The following NR1I2 variants were observed in gnomAD, a reference collection of about 807,000 sequenced individuals.
NR1I2 encodes the protein orphan nuclear receptor PAR1.
In NR1I2, 42 loss-of-function variants were observed where a neutral mutation model predicts 43.3. The ratio of observed to expected loss-of-function variants is 0.97; its 90% CI spans 0.76 to 1.26. The LOEUF is 1.26. NR1I2 is among the 50% of genes most tolerant of loss of function. The pLI is 0.00. For synonymous variants in NR1I2, 229 were observed against 215.0 expected (o/e 1.06, Z -0.57); for missense variants, 559 against 566.7 (o/e 0.99, Z 0.14).
chr3:119,808,590 C>T (rs1211455143), intron 2 of NR1I2, among the ~76,000 whole-genome samples: 1 of 152,258 alleles, frequency 6.6e-6, no homozygotes, highest in African/African-American at 2.4e-5. Context: ...CAGGAATCTT[C>T]TGCTCTCCCT....
chr3:119,784,805 A>G (rs571069710), intron 1 of NR1I2, among the ~76,000 whole-genome samples: 19 of 152,050 alleles, frequency 1.2e-4, no homozygotes, highest in Admixed American at 1.3e-4. Context: ...ACACATGTCC[A>G]TTTCTGTGTC....
In NR1I2 at chr3:119,815,440, G is replaced by T. The variant is rs1371705585; in HGVS notation, c.1054+1G>T. On this transcript the variant is annotated splice_donor_variant, in intron 7 of 8. Coordinates refer to ENST00000393716, the MANE Select transcript of NR1I2 (RefSeq NM_003889.4). LOFTEE classifies it high-confidence loss of function. Reference sequence around the variant, plus strand: ...CAGGCCATCTCCCTCTTCTCCCCAGGTGAGGATCTCCCCTAGGCTGCCTGA... The same window carrying T: ...CAGGCCATCTCCCTCTTCTCCCCAGTTGAGGATCTCCCCTAGGCTGCCTGA... 1.9e-6 allele frequency: 3 copies of T among 1,608,910 alleles called. No individual in the cohort carries two copies. Among genetic ancestry groups the T allele is most frequent in the East Asian group, 4.5e-5 (2 of 44,856 alleles).
At chr3:119,801,478 C>A (rs1468565135) in intron 1 of NR1I2, among the ~76,000 whole-genome samples, 1 of 152,238 alleles carries the variant, frequency 6.6e-6, no homozygotes, top group Non-Finnish European at 1.5e-5. Context: ...CACCCAGTCA[C>A]TGTCATTTTC....
chr3:119,816,180 A>T (rs1449094727), intron 8 of NR1I2, among the ~76,000 whole-genome samples: 1 of 152,218 alleles, frequency 6.6e-6, no homozygotes, highest in Non-Finnish European at 1.5e-5. Flanking sequence ...GTGAACCTAT[A>T]AACTGAAATC....
At chr3:119,788,326 C>T (rs900600805) in intron 1 of NR1I2, among the ~76,000 whole-genome samples, 2 of 152,110 alleles carry the variant, frequency 1.3e-5, no homozygotes, top group African/African-American at 2.4e-5. Context: ...TGTTGTTGCC[C>T]AGGTTCATCT....
At chr3:119,806,707 T>C (rs1391097653) in intron 1 of NR1I2, among the ~76,000 whole-genome samples, 1 of 152,196 alleles carries the variant, frequency 6.6e-6, no homozygotes, top group Non-Finnish European at 1.5e-5. Flanking sequence ...TTTTTCCCCA[T>C]CTGCCTGGCT....
intron 4 of NR1I2, 50 bp downstream of exon 4, chr3:119,811,776 C>G: frequency 6.6e-7 from 1 of 1,513,556 alleles, no homozygotes; most frequent in Non-Finnish European, 9.0e-7. Context: ...TCTTCATTCT[C>G]ACATAGAAAC....
At chr3:119,806,562 A>C (rs950551139) in intron 1 of NR1I2, among the ~76,000 whole-genome samples, 2 of 152,140 alleles carry the variant, frequency 1.3e-5, no homozygotes, top group African/African-American at 4.8e-5. Flanking sequence ...CCGGGATTAC[A>C]GGCATCAGCC....
rs1446038960 is a variant in NR1I2, at chr3:119,801,942, G to C, written c.-22-5287G>C. ...GGTCTCTTTGGGTGGTCACTGAGCA[G>C]GGTAGCCAGACTTTGTTGCATGGTG... On this transcript the variant is annotated intron_variant, in intron 1 of 8. Transcript: ENST00000393716. Among the ~76,000 whole-genome samples, 3 of 152,202 alleles carry C rather than the reference G, an allele frequency of 2.0e-5. 1 individual carries two copies. The highest frequency in any genetic ancestry group is 2.0e-4 in the Admixed American group (3 of 15,282).
intron 3 of NR1I2, 80 bp from the exon 4 acceptor site, chr3:119,811,459 A>G: frequency 1.5e-6 from 2 of 1,378,130 alleles, no homozygotes; most frequent in East Asian, 2.5e-5. Flanking sequence ...CTGCCTTGAG[A>G]GGGTTACACA....
chr3:119,817,987 G>A lies in NR1I2; in HGVS notation c.*775G>A, dbSNP rs1235036990. ...ACACAAACGATTTGGATCAAAAGGAGAAATGATAAGTGACAAAAGCAGCAC... is the reference window on the plus strand; with the variant it reads ...ACACAAACGATTTGGATCAAAAGGAAAAATGATAAGTGACAAAAGCAGCAC... On this transcript the variant is annotated 3_prime_UTR_variant, in exon 9 of 9. Coordinates refer to ENST00000393716, the MANE Select transcript of NR1I2 (RefSeq NM_003889.4). The A allele has an allele frequency of 1.0e-6, 1 of 985,410 alleles. No individual in the cohort carries two copies. The highest frequency in any genetic ancestry group is 1.7e-5 in the African/African-American group (1 of 57,244). The allele number at this position is 985,410 out of a possible 1,614,324, so 61.0% of individuals were successfully genotyped here.
chr3:119,802,174 C>A (rs556790309), intron 1 of NR1I2, among the ~76,000 whole-genome samples: 1 of 152,038 alleles, frequency 6.6e-6, no homozygotes, highest in Non-Finnish European at 1.5e-5. Context: ...GGTTCTCTAG[C>A]GGGGGCTTCA....
chr3:119,811,339 A>C (rs1414722851), intron 3 of NR1I2, 200 bp from the exon 4 acceptor site: 12 of 581,734 alleles, frequency 2.1e-5, no homozygotes. Context: ...GCCTCACCTC[A>C]TCTCTGTCCT....
intron 1 of NR1I2, among the ~76,000 whole-genome samples, chr3:119,795,752 A>G (rs2054990169): frequency 6.6e-6 from 1 of 152,232 alleles, no homozygotes; most frequent in South Asian, 2.1e-4. Flanking sequence ...CCACGCCCTG[A>G]CAAGGGCTTC....
rs568300037 is a variant in NR1I2 at position 119,817,186 on chromosome 3, G to C, written c.1279G>C (p.Glu427Gln). The change falls in exon 9 of 9, where the codon GAG becomes CAG. Residue 427 changes from glutamate to glutamine, a missense_variant. Glu to Gln is a conservative substitution (Grantham distance 29). Around this residue, in one of 3 missense-constraint regions of NR1I2, gnomAD observed 323 missense variants for 312.2 expected, o/e 1.03. Transcript: ENST00000393716. The stretch of plus-strand genomic sequence containing the variant: ...CCCCTTTGCTACGCCCCTCATGCAG[G>C]AGTTGTTCGGCATCACAGGTAGCTG... The C allele has an allele frequency of 6.2e-6, 10 of 1,614,140 alleles. No homozygotes were observed. The Admixed American group carries it at 1.7e-4, about 27-fold the overall frequency.
Position 119,810,177 on chromosome 3 carries a change from G to A in NR1I2, c.314G>A (p.Ser105Asn). 6.2e-7 allele frequency: 1 copy of A among 1,609,808 alleles called. No individual in the cohort carries two copies. Among genetic ancestry groups the A allele is most frequent in the Non-Finnish European group, 8.5e-7 (1 of 1,178,360 alleles). ...TGCCGCCTGCGCAAGTGCCTGGAGA[G>A]CGGCATGAAGAAGGAGAGTGAGCAG... is the stretch of plus-strand genomic sequence containing the variant. Residue 105 changes from serine (S) to asparagine (N), a missense_variant, in exon 3 of 9, where the codon AGC (serine) becomes AAC (asparagine). Around this residue, in one of 3 missense-constraint regions of NR1I2, gnomAD observed 232 missense variants for 236.6 expected, o/e 0.98. Transcript: ENST00000393716.
chr3:119,782,719 G>C (rs1260630105), intron 1 of NR1I2: 1 of 1,465,972 alleles, frequency 6.8e-7, no homozygotes, highest in Admixed American at 1.7e-5. Context: ...TGGCCTGCTG[G>C]GTTAGTGCTG....
intron 1 of NR1I2, among the ~76,000 whole-genome samples, chr3:119,806,939 C>G (rs2055168942): frequency 6.6e-6 from 1 of 152,206 alleles, no homozygotes; most frequent in South Asian, 2.1e-4. Flanking sequence ...ACCCAGACAG[C>G]CTGCTCTCTT....
chr3:119,817,154 A>T lies in NR1I2; in HGVS notation c.1247A>T (p.Asp416Val). 1 of 1,614,134 alleles carries T rather than the reference A, an allele frequency of 6.2e-7. No homozygotes were observed. Among genetic ancestry groups the T allele is most frequent in the Non-Finnish European group, 8.5e-7 (1 of 1,180,024 alleles). ...ACCCAGCGGCTGCTGCGCATCCAGG[A>T]CATACACCCCTTTGCTACGCCCCTC... The change falls in exon 9 of 9, where the codon GAC (aspartate) becomes GTC (valine). Residue 416 changes from aspartate (D) to valine (V), a missense_variant. By Grantham distance (152) the Asp-to-Val change is radical. Coordinates refer to ENST00000393716, the MANE Select transcript of NR1I2 (RefSeq NM_003889.4).
Sources: allele counts gnomAD v4.1 joint callset (sites outside exome capture counted in the v4.1 genomes callset), GRCh38; gene constraint gnomAD v4.1.1; regional missense constraint gnomAD v4.1.1; transcripts MANE v1.5; gene names NCBI Gene and HGNC (gene_info 2026-07-23, HGNC 2026-07-21).